SCHIP1: variants seen among roughly 807,000 people sequenced by gnomAD.
SCHIP1 encodes the protein schwannomin interacting protein 1.
A neutral mutation model predicts 29.7 loss-of-function variants in SCHIP1; 8 were observed. The ratio of observed to expected loss-of-function variants is 0.27; its 90% CI spans 0.16 to 0.49. The LOEUF is 0.49. SCHIP1 is among the 20% of genes least tolerant of loss of function. The pLI, the probability that SCHIP1 is intolerant of heterozygous loss-of-function variation, is 0.99. For missense variants in SCHIP1, 193 were observed against 294.6 expected (o/e 0.66, Z 2.52); for synonymous variants, 76 against 94.9 (o/e 0.80, Z 1.16).
chr3:159,397,572 A>G, the SCHIP1 span, among the ~76,000 whole-genome samples: 6 of 151,974 alleles, frequency 3.9e-5, no homozygotes, highest in Admixed American at 3.9e-4. Context: ...CTGTTGGAGT[A>G]CCCTGCTGTG....
At chr3:159,854,675 T>C (rs1713110686) in intron 1 of SCHIP1, among the ~76,000 whole-genome samples, 1 of 152,204 alleles carries the variant, frequency 6.6e-6, no homozygotes, top group Non-Finnish European at 1.5e-5. Flanking sequence ...TCAGATTGCT[T>C]ATCCAGCTCT....
the SCHIP1 span, among the ~76,000 whole-genome samples, chr3:159,761,470 C>T: frequency 1.3e-5 from 2 of 152,308 alleles, no homozygotes; most frequent in South Asian, 2.1e-4. Flanking sequence ...TCCCTGTAAA[C>T]AGGAAGACAG....
chr3:159,719,060 G>A, the SCHIP1 span, among the ~76,000 whole-genome samples: 16 of 152,192 alleles, frequency 1.1e-4, no homozygotes, highest in South Asian at 4.2e-4. Flanking sequence ...ACAGAACAGC[G>A]CCCTCAGAAA....
At chr3:159,639,510 C>G in the SCHIP1 span, among the ~76,000 whole-genome samples, 14 of 152,164 alleles carry the variant, frequency 9.2e-5, no homozygotes, top group Admixed American at 9.2e-4. Flanking sequence ...AAAAATCAGA[C>G]CCATAGAAAA....
chr3:159,431,007 G>A, the SCHIP1 span, among the ~76,000 whole-genome samples: 1 of 152,116 alleles, frequency 6.6e-6, no homozygotes, highest in African/African-American at 2.4e-5. Context: ...GAAGGAAATC[G>A]ACCTTAGGAC....
chr3:159,581,939 A>G, the SCHIP1 span, among the ~76,000 whole-genome samples: 1 of 152,132 alleles, frequency 6.6e-6, no homozygotes, highest in African/African-American at 2.4e-5. Context: ...ATTGCTGAAG[A>G]GTTGAGGGGT....
the SCHIP1 span, among the ~76,000 whole-genome samples, chr3:159,327,235 G>A: frequency 6.6e-6 from 1 of 152,114 alleles, no homozygotes; most frequent in Non-Finnish European, 1.5e-5. Flanking sequence ...CAGATCATGG[G>A]GCAAGTAGTA....
At chr3:159,758,720 T>G in the SCHIP1 span, among the ~76,000 whole-genome samples, 938 of 152,332 alleles carry the variant, frequency 6.2e-3, 9 homozygotes, top group Middle Eastern at 0.017. Context: ...ACCATTCACA[T>G]TGCCATCTAT....
chr3:159,672,898 C>G, the SCHIP1 span, among the ~76,000 whole-genome samples: 1 of 152,168 alleles, frequency 6.6e-6, no homozygotes, highest in Non-Finnish European at 1.5e-5. Flanking sequence ...GATGGTTACA[C>G]TAGTAGTAAT....
At chr3:159,537,825 A>C in the SCHIP1 span, among the ~76,000 whole-genome samples, 2 of 152,112 alleles carry the variant, frequency 1.3e-5, no homozygotes, top group Non-Finnish European at 2.9e-5. Flanking sequence ...ATTAACAGTT[A>C]GAAGTTTTAA....
the SCHIP1 span, among the ~76,000 whole-genome samples, chr3:159,378,212 A>C: frequency 6.6e-6 from 1 of 152,208 alleles, no homozygotes; most frequent in African/African-American, 2.4e-5. Flanking sequence ...GGCAGTATTG[A>C]AGGTTAATCT....
chr3:159,692,107 C>G, the SCHIP1 span, among the ~76,000 whole-genome samples: 1 of 148,364 alleles, frequency 6.7e-6, no homozygotes, highest in African/African-American at 2.5e-5. Context: ...CGGCTCACTG[C>G]AAGCTCCGCT....
the SCHIP1 span, among the ~76,000 whole-genome samples, chr3:159,566,148 A>G: frequency 6.6e-6 from 1 of 152,228 alleles, no homozygotes; most frequent in Non-Finnish European, 1.5e-5. Flanking sequence ...AGTCAGAGAC[A>G]GGGCTGCCTT....
the SCHIP1 span, among the ~76,000 whole-genome samples, chr3:159,556,562 T>C: frequency 8.6e-5 from 13 of 151,860 alleles, no homozygotes; most frequent in Admixed American, 3.9e-4. Context: ...ATGTGGCACA[T>C]ATACACCATG....
chr3:159,276,428 G>C, the SCHIP1 span, among the ~76,000 whole-genome samples: 1 of 152,158 alleles, frequency 6.6e-6, no homozygotes, highest in Non-Finnish European at 1.5e-5. Context: ...GTGGACATTA[G>C]AGGCTCAAGA....
chr3:159,320,595 G>A, the SCHIP1 span, among the ~76,000 whole-genome samples: 1 of 134,906 alleles, frequency 7.4e-6, no homozygotes, highest in Non-Finnish European at 1.6e-5. Flanking sequence ...TCTGACATAT[G>A]GTGGTAAGTT....
chr3:159,375,335 A>G, the SCHIP1 span, among the ~76,000 whole-genome samples: 1 of 152,242 alleles, frequency 6.6e-6, no homozygotes, highest in South Asian at 2.1e-4. Flanking sequence ...ATTTTCACAG[A>G]TGGGCAGGAG....
At chr3:159,275,220 T>G in the SCHIP1 span, 3 of 332,456 alleles carry the variant, frequency 9.0e-6, no homozygotes, top group Non-Finnish European at 1.3e-5. Context: ...GAAAGGTAGA[T>G]TTATGATTTC....
At chr3:159,638,881 A>C in the SCHIP1 span, among the ~76,000 whole-genome samples, 3 of 152,130 alleles carry the variant, frequency 2.0e-5, no homozygotes. Flanking sequence ...GAATCTTTAA[A>C]GTATGAGATT....
Sources: allele counts gnomAD v4.1 joint callset (sites outside exome capture counted in the v4.1 genomes callset), GRCh38; gene constraint gnomAD v4.1.1; transcripts MANE v1.5; gene names NCBI Gene and HGNC (gene_info 2026-07-23, HGNC 2026-07-21).